Variants in DLG4 observed in about 807,000 individuals in gnomAD.
DLG4 encodes the protein disks large homolog 4.
In DLG4, 7 loss-of-function variants were observed where a neutral mutation model predicts 93.8. The observed-to-expected ratio is 0.07, with a 90% confidence interval of 0.04 to 0.14. DLG4 has a LOEUF of 0.14. DLG4 is among the 10% of genes least tolerant of loss of function. DLG4 has a pLI of 1.00. For missense variants in DLG4, 545 were observed against 992.9 expected, an observed-to-expected ratio of 0.55 and a Z score of 6.06; for synonymous variants, 341 against 387.6, an observed-to-expected ratio of 0.88 and a Z score of 1.41.
chr17:7,216,755 A>AC (rs952375844), intron 1 of DLG4, among the ~76,000 whole-genome samples: 6 of 151,584 alleles, frequency 4.0e-5, no homozygotes, highest in East Asian at 2.0e-4. Context: ...GGAAAGAGGA[A>AC]CCCCCCAACA....
At chr17:7,218,766 T>G (rs1286789053), upstream of DLG4, 9 of 1,600,142 alleles carry the variant, frequency 5.6e-6, no homozygotes, top group Admixed American at 1.5e-4. Context: ...GGGAGAAGGA[T>G]CTCCGAGCCC....
chr17:7,198,102 A>G (rs943247633), intron 8 of DLG4, among the ~76,000 whole-genome samples: 1 of 152,128 alleles, frequency 6.6e-6, no homozygotes, highest in South Asian at 2.1e-4. Flanking sequence ...TTTTAGCCAC[A>G]CTGACAATCA....
upstream of DLG4, chr17:7,218,629 T>C (rs1357518380): frequency 1.7e-5 from 26 of 1,562,176 alleles, no homozygotes; most frequent in Non-Finnish European, 2.2e-5. Context: ...GCCAGAGGGC[T>C]GACCTGGGAG....
chr17:7,209,538 G>A (rs2070627008), intron 1 of DLG4, among the ~76,000 whole-genome samples: 1 of 152,236 alleles, frequency 6.6e-6, no homozygotes, highest in South Asian at 2.1e-4. Context: ...GGCTGAGGCA[G>A]GCAGACAGCT....
At position 7,194,177 on chromosome 17, in the gene DLG4, A is replaced by T. The variant is rs2069648449; in HGVS notation, c.1478+142T>A. 11 of 1,336,690 alleles carry T rather than the reference A, an allele frequency of 8.2e-6. No individual in the cohort carries two copies. Among genetic ancestry groups the T allele is most frequent in the Non-Finnish European group, 1.1e-5 (11 of 986,086 alleles). The allele number at this position is 1,336,690 out of a possible 1,614,324, so 82.8% of individuals were successfully genotyped here. On this transcript the variant is annotated intron_variant, in intron 12 of 19. Coordinates refer to ENST00000399506, the MANE Select transcript of DLG4 (RefSeq NM_001321075.3). The surrounding 1 kb of genome is among the most constrained non-coding windows in gnomAD (Gnocchi z 4.4). ...GTTGTCCTTCCCAAAGGCTCATGGG[A>T]GCCACGGACCCCAGGAGGGCCCAAC...
intron 1 of DLG4, among the ~76,000 whole-genome samples, chr17:7,209,335 C>G (rs1347512799): frequency 6.6e-6 from 1 of 152,202 alleles, no homozygotes; most frequent in East Asian, 1.9e-4. Context: ...CTGGGTCCTT[C>G]CGTGTCCGCC....
intron 2 of DLG4, among the ~76,000 whole-genome samples, chr17:7,207,692 G>A (rs908969667): frequency 2.4e-4 from 36 of 151,120 alleles, no homozygotes; most frequent in African/African-American, 8.1e-4. Context: ...CAACACACAC[G>A]CATACAGCAC....
intron 17 of DLG4, 116 bp downstream of exon 17, chr17:7,192,829 A>T: frequency 8.7e-7 from 1 of 1,145,038 alleles, no homozygotes; most frequent in Non-Finnish European, 1.2e-6. Context: ...GGAGGAGCGG[A>T]GTGGAGACCC....
upstream of DLG4, chr17:7,219,905 T>C (rs2071098509): frequency 1.1e-6 from 1 of 915,126 alleles, no homozygotes; most frequent in Non-Finnish European, 1.5e-6. Context: ...GAGTCAGGGT[T>C]AGGGGCGCCA....
Position 7,193,161 on chromosome 17 carries a change from C to G in DLG4, c.1694-44G>C. ...ACCCCCCAAAGATCTAACCACCATC[C>G]CTCTAGCTTAAATCCTGCCTACTTC... On this transcript the variant is annotated intron_variant, in intron 16 of 19. Coordinates refer to ENST00000399506, the MANE Select transcript of DLG4 (RefSeq NM_001321075.3). This position sits in a 1 kb window ranked among gnomAD's most constrained non-coding sequence, Gnocchi z 6.7. 1 of 1,608,300 alleles carries G rather than the reference C, an allele frequency of 6.2e-7. No homozygotes were observed.
At chr17:7,217,907 C>G (rs980635015), upstream of DLG4, 5 of 1,297,464 alleles carry the variant, frequency 3.9e-6, no homozygotes, top group African/African-American at 4.4e-5. Flanking sequence ...GGCCTCTCGG[C>G]AGGCGGTAGG....
Position 7,193,932 on chromosome 17 carries a change from T to C in DLG4, c.1515+32A>G, listed in dbSNP as rs777813154. ...AGCTCAGCTCCATGAGCCCTCACACTTCCACCCAGGCTCACACCCTCCTCC... is the reference window on the plus strand; with the variant it reads ...AGCTCAGCTCCATGAGCCCTCACACCTCCACCCAGGCTCACACCCTCCTCC... On this transcript the variant is annotated intron_variant, in intron 13 of 19. Coordinates refer to ENST00000399506, the MANE Select transcript of DLG4 (RefSeq NM_001321075.3). This position sits in a 1 kb window ranked among gnomAD's most constrained non-coding sequence, Gnocchi z 6.7. The C allele has an allele frequency of 9.1e-5, 147 of 1,613,454 alleles. No homozygotes were observed. The highest frequency in any genetic ancestry group is 1.2e-4 in the Non-Finnish European group (139 of 1,179,740).
In DLG4 at chr17:7,187,317, G is replaced by GC. The variant is rs1312679359; in HGVS notation, c.*3390_*3391insG. ...CACTTTGGGAGGCCGAGGGGGGGGG[G>GC]GGTGGATCACCCGAGGTCAGGAGTT... On this transcript the variant is annotated 3_prime_UTR_variant, in exon 20 of 20. Transcript: ENST00000399506. 1.7e-5 allele frequency among the ~76,000 whole-genome samples: 2 copies of GC among 117,604 alleles called. 1 individual carries two copies. Among genetic ancestry groups the GC allele is most frequent in the East Asian group, 5.5e-4 (2 of 3,646 alleles). 77.2% of individuals were successfully genotyped at this position (117,604 alleles called of 152,430 possible).
chr17:7,207,140 G>C (rs1465525065), intron 2 of DLG4, among the ~76,000 whole-genome samples: 3 of 151,548 alleles, frequency 2.0e-5, no homozygotes, highest in Non-Finnish European at 4.4e-5. Context: ...AGATATGGCA[G>C]AGGTGAGAAC....
chr17:7,192,816 G>T, intron 17 of DLG4, 129 bp downstream of exon 17: 1 of 1,014,532 alleles, frequency 9.9e-7, no homozygotes, highest in Non-Finnish European at 1.4e-6. Context: ...AGGAGAAGGA[G>T]GTGGAGGAGC....
rs533407921 is a variant in DLG4, at chr17:7,194,967, A to C, written c.1302-472T>G. Among the ~76,000 whole-genome samples the C allele has an allele frequency of 1.3e-5, 2 of 151,536 alleles. No homozygotes were observed. The highest frequency in any genetic ancestry group is 4.2e-4 in the South Asian group (2 of 4,782). Reference sequence around the variant, plus strand: ...CCAGGAGGCGGAGCTTGCAGTGAGCAGAGATCACGCCACTGCACTCCAGCC... The same window carrying C: ...CCAGGAGGCGGAGCTTGCAGTGAGCCGAGATCACGCCACTGCACTCCAGCC... On this transcript the variant is annotated intron_variant, in intron 11 of 19. Coordinates refer to ENST00000399506, the MANE Select transcript of DLG4 (RefSeq NM_001321075.3). The surrounding 1 kb of genome is among the most constrained non-coding windows in gnomAD (Gnocchi z 4.4).
chr17:7,190,619 G>C lies in DLG4; in HGVS notation c.*89C>G, dbSNP rs560944237. The C allele has an allele frequency of 1.2e-5, 12 of 1,010,132 alleles. No homozygotes were observed. The highest frequency in any genetic ancestry group is 1.7e-5 in the Non-Finnish European group (11 of 639,540). The allele number at this position is 1,010,132 out of a possible 1,614,324, so 62.6% of individuals were successfully genotyped here. ...AATAAGAAGGGGTGGGAGGGAGGCC[G>C]GGGGGAGCCAAGGGCTTGGGCAATT... On this transcript the variant is annotated 3_prime_UTR_variant, in exon 20 of 20. Coordinates refer to ENST00000399506, the MANE Select transcript of DLG4 (RefSeq NM_001321075.3).
In DLG4 at chr17:7,191,812, G is replaced by T; in HGVS notation, c.1976+81C>A. 2.0e-6 allele frequency: 2 copies of T among 995,308 alleles called. No homozygotes were observed. The highest frequency in any genetic ancestry group is 5.1e-5 in the East Asian group (2 of 38,880). The allele number at this position is 995,308 out of a possible 1,614,324, so 61.7% of individuals were successfully genotyped here. A position where few individuals can be genotyped will look rare whatever the true frequency, so the allele number is the denominator to read the frequency against. On this transcript the variant is annotated intron_variant, in intron 18 of 19. Transcript: ENST00000399506. The surrounding 1 kb of genome is among the most constrained non-coding windows in gnomAD (Gnocchi z 6.6). ...ACCGCTGTCCAGGGTTCTGAAGGGA[G>T]AGTTGAACGCAGACGCCTTGTGAGG...
At chr17:7,218,764 GA>G, upstream of DLG4, 1 of 1,598,166 alleles carries the variant, frequency 6.3e-7, no homozygotes, top group Non-Finnish European at 8.6e-7. Flanking sequence ...TGGGGAGAAG[GA>G]TCTCCGAGCC....
Sources: gnomAD v4.1 joint callset for allele counts (sites outside exome capture counted in the v4.1 genomes callset) on GRCh38, gnomAD v4.1.1 for gene constraint, Gnocchi (gnomAD v3.1) non-coding constraint, MANE v1.5 for transcripts, NCBI Gene and HGNC (gene_info 2026-07-23, HGNC 2026-07-21) for gene names.